Variants in TGM5 observed in about 807,000 individuals in gnomAD.
TGM5 encodes the protein transglutaminase 5.
A neutral mutation model predicts 77.2 loss-of-function variants in TGM5; 69 were observed. The observed-to-expected ratio is 0.89, with a 90% CI of 0.74 to 1.09. The LOEUF (loss-of-function observed/expected upper bound fraction) is 1.09, where lower values mean the gene tolerates loss of function less well. Among genes scored for constraint, TGM5 ranks in the 50% least tolerant of loss-of-function variants. The probability of loss-of-function intolerance (pLI) is 0.00; values close to 1 mark genes in which losing one functional copy is unlikely to be tolerated. For missense variants in TGM5, 842 were observed against 896.5 expected (o/e 0.94, Z 0.78); for synonymous variants, 346 against 351.8 (o/e 0.98, Z 0.18).
At chr15:43,262,560 G>A (rs2042797075) in intron 1 of TGM5, among the ~76,000 whole-genome samples, 1 of 151,966 alleles carries the variant, frequency 6.6e-6, no homozygotes, top group African/African-American at 2.4e-5. Context: ...GCCGAGGCGG[G>A]TGGATCACAA....
At chr15:43,250,193 G>A (rs1265255387) in intron 6 of TGM5, among the ~76,000 whole-genome samples, 4 of 152,302 alleles carry the variant, frequency 2.6e-5, no homozygotes, top group South Asian at 2.1e-4. Flanking sequence ...CTGAAAAATG[G>A]AGATGATAGG....
At position 43,233,116 on chromosome 15, in the gene TGM5, T is replaced by C; in HGVS notation, c.*75A>G. 1.3e-6 allele frequency: 2 copies of C among 1,576,774 alleles called. No homozygotes were observed. Among genetic ancestry groups the C allele is most frequent in the Non-Finnish European group, 1.7e-6 (2 of 1,154,514 alleles). On this transcript the variant is annotated 3_prime_UTR_variant, in exon 13 of 13. Transcript: ENST00000220420. Reference sequence around the variant, plus strand: ...GTGAAGCCTCTGTTGTGGTGGGGAATGGCGCAGCTTGCATTTGAACTTGCT... The same window carrying C: ...GTGAAGCCTCTGTTGTGGTGGGGAACGGCGCAGCTTGCATTTGAACTTGCT...
chr15:43,259,968 C>A, intron 3 of TGM5, 84 bp downstream of exon 3: 1 of 1,601,578 alleles, frequency 6.2e-7, no homozygotes, highest in Non-Finnish European at 8.5e-7. Context: ...GGCCCGGGAG[C>A]GGGGTCTAGA....
chr15:43,264,602 A>G lies in TGM5; in HGVS notation c.10+2238T>C, dbSNP rs190027923. Among the ~76,000 whole-genome samples the G allele has an allele frequency of 9.8e-4, 150 of 152,344 alleles. 3 individuals carry two copies. The highest frequency in any genetic ancestry group is 9.1e-3 in the East Asian group (47 of 5,188). On this transcript the variant is annotated intron_variant, in intron 1 of 12. Transcript: ENST00000220420. ...ACAGAAAGTAGATTTAGGGCTTGCT[A>G]GGAGCTAAAGAAAGGTGGAATGGGA...
chr15:43,233,617 T>C lies in TGM5; in HGVS notation c.1946A>G (p.Gln649Arg), dbSNP rs1323954467. ...CACAGTCAGCACACAGTCCTCAACC[T>C]GCTCCGAGAGGGGGTTTGAAAATAT... is the stretch of plus-strand genomic sequence containing the variant. ...QVIFSNPLSE[Q>R]VEDCVLTVEG... is the part of the protein sequence containing the mutation. The change falls in exon 12 of 13, where the codon CAG (glutamine) becomes CGG (arginine). Residue 649 changes from glutamine to arginine, a missense_variant. This residue lies in a region of TGM5 where 815 missense variants were observed against 844.6 expected (regional missense o/e 0.96). Transcript: ENST00000220420. The C allele has an allele frequency of 6.2e-7, 1 of 1,614,110 alleles. No individual in the cohort carries two copies. The highest frequency in any genetic ancestry group is 8.5e-7 in the Non-Finnish European group (1 of 1,180,038).
At chr15:43,249,331 A>G (rs748156490) in intron 6 of TGM5, among the ~76,000 whole-genome samples, 1 of 152,202 alleles carries the variant, frequency 6.6e-6, no homozygotes, top group Non-Finnish European at 1.5e-5. Context: ...AGTGGTTTGT[A>G]ATACAGTCAC....
chr15:43,247,448 C>T (rs577140515), intron 6 of TGM5, among the ~76,000 whole-genome samples: 7 of 152,020 alleles, frequency 4.6e-5, no homozygotes, highest in Non-Finnish European at 1.0e-4. Flanking sequence ...AATATACCCA[C>T]ATAACACACC....
At chr15:43,245,763 A>T (rs189493326) in intron 6 of TGM5, among the ~76,000 whole-genome samples, 23 of 152,344 alleles carry the variant, frequency 1.5e-4, no homozygotes, top group Admixed American at 1.4e-3. Flanking sequence ...GGAGCAAAGC[A>T]CAGCATGTAG....
Position 43,235,798 on chromosome 15 carries a change from T to C in TGM5, c.1385A>G (p.Gln462Arg). 4 of 1,614,172 alleles carry C rather than the reference T, an allele frequency of 2.5e-6. No homozygotes were observed. The highest frequency in any genetic ancestry group is 3.4e-6 in the Non-Finnish European group (4 of 1,180,030). ...QERQVFLKAL[Q>R]KLKARSFHGS... ...ATGGAAGCTTCTAGCCTTCAGCTTC[T>C]GCAGAGCCTTCAGAAACACCTGCCT... The change falls in exon 10 of 13, where the codon CAG becomes CGG. Residue 462 changes from glutamine to arginine, a missense_variant. Coordinates refer to ENST00000220420, the MANE Select transcript of TGM5 (RefSeq NM_201631.4).
At chr15:43,240,207 C>T (rs114710840) in intron 7 of TGM5, among the ~76,000 whole-genome samples, 2,407 of 152,226 alleles carry the variant, frequency 0.016, 76 homozygotes, top group African/African-American at 0.056. Flanking sequence ...GGTCAAAAAA[C>T]CCTCATTCTA....
chr15:43,256,230 A>G (rs1202691529), intron 4 of TGM5, among the ~76,000 whole-genome samples: 1 of 152,152 alleles, frequency 6.6e-6, no homozygotes, highest in Non-Finnish European at 1.5e-5. Flanking sequence ...CCCAGTGGAA[A>G]AACAGTTTAA....
At chr15:43,258,519 T>C (rs1226094273) in intron 3 of TGM5, among the ~76,000 whole-genome samples, 1 of 152,234 alleles carries the variant, frequency 6.6e-6, no homozygotes, top group Non-Finnish European at 1.5e-5. Context: ...GGTGCCCTCC[T>C]CAGAGGCAGC....
intron 7 of TGM5, 125 bp downstream of exon 7, chr15:43,240,727 T>C (rs1473219484): frequency 9.2e-7 from 1 of 1,082,676 alleles, no homozygotes; most frequent in African/African-American, 3.0e-5. Context: ...TGGGGGAGGG[T>C]GAGGGGGTGT....
In TGM5 at chr15:43,260,543, C is replaced by A. The variant is rs781362413; in HGVS notation, c.47G>T (p.Arg16Ile). ...CTCCGTGTGGTGCCGCACATTATTT[C>A]TGGAGCTCTGGAGGTCTGTGAGGGC... ...EVALTDLQSS[R>I]NNVRHHTEEI... The change falls in exon 2 of 13, where the codon AGA (arginine) becomes ATA (isoleucine). Residue 16 changes from arginine (R) to isoleucine (I), a missense_variant. Around this residue, in one of 2 missense-constraint regions of TGM5, gnomAD observed 815 missense variants for 844.6 expected, o/e 0.96. Coordinates refer to ENST00000220420, the MANE Select transcript of TGM5 (RefSeq NM_201631.4). 3 of 1,614,006 alleles carry A rather than the reference C, an allele frequency of 1.9e-6. No individual in the cohort carries two copies. The highest frequency in any genetic ancestry group is 2.5e-6 in the Non-Finnish European group (3 of 1,179,970).
intron 1 of TGM5, among the ~76,000 whole-genome samples, chr15:43,265,137 G>A (rs1488357589): frequency 6.6e-6 from 1 of 152,066 alleles, no homozygotes; most frequent in African/African-American, 2.4e-5. Flanking sequence ...ATCCTTGCAG[G>A]GACAAAATGT....
At chr15:43,249,502 T>C (rs2042690391) in intron 6 of TGM5, among the ~76,000 whole-genome samples, 1 of 152,252 alleles carries the variant, frequency 6.6e-6, no homozygotes, top group African/African-American at 2.4e-5. Flanking sequence ...GGACATTTCA[T>C]ATGTATGAAA....
rs781362413 is a variant in TGM5, at chr15:43,260,543, C to G, written c.47G>C (p.Arg16Thr). ...EVALTDLQSS[R>T]NNVRHHTEEI... Reference sequence around the variant, plus strand: ...CTCCGTGTGGTGCCGCACATTATTTCTGGAGCTCTGGAGGTCTGTGAGGGC... The same window carrying G: ...CTCCGTGTGGTGCCGCACATTATTTGTGGAGCTCTGGAGGTCTGTGAGGGC... Residue 16 changes from arginine (R) to threonine (T), a missense_variant, in exon 2 of 13, where the codon AGA becomes ACA. Arg to Thr is a moderately conservative substitution (Grantham distance 71). Around this residue, in one of 2 missense-constraint regions of TGM5, gnomAD observed 815 missense variants for 844.6 expected, o/e 0.96. Transcript: ENST00000220420. 4 of 1,614,006 alleles carry G rather than the reference C, an allele frequency of 2.5e-6. No homozygotes were observed. The South Asian group carries it at 4.4e-5, about 18-fold the overall frequency.
chr15:43,233,364 A>T lies in TGM5; in HGVS notation c.2010-20T>A. 1.9e-6 allele frequency: 3 copies of T among 1,613,076 alleles called. No homozygotes were observed. Among genetic ancestry groups the T allele is most frequent in the Non-Finnish European group, 2.5e-6 (3 of 1,180,024 alleles). Reference sequence around the variant, plus strand: ...CCAAGGCTGCAACAGAGAATGGAGCATGTCAGAAAACCAAAAGCATGATAA... The same window carrying T: ...CCAAGGCTGCAACAGAGAATGGAGCTTGTCAGAAAACCAAAAGCATGATAA... On this transcript the variant is annotated intron_variant, in intron 12 of 12. Transcript: ENST00000220420.
chr15:43,260,201 C>CCA lies in TGM5; in HGVS notation c.285_286dup (p.Gly96ValfsTer8), dbSNP rs1355465814. 1 of 1,614,002 alleles carries CCA rather than the reference C, an allele frequency of 6.2e-7. No homozygotes were observed. The highest frequency in any genetic ancestry group is 2.2e-5 in the East Asian group (1 of 44,884). ...CAAGCTCACCTCTGTGGAGGTGGCC[C>CCA]CATTGGTCTCCAGCCAGGCAATCCA... On this transcript the variant is annotated frameshift_variant, in exon 3 of 13. Coordinates refer to ENST00000220420, the MANE Select transcript of TGM5 (RefSeq NM_201631.4). LOFTEE classifies it high-confidence loss of function.
Sources: allele counts gnomAD v4.1 joint callset (sites outside exome capture counted in the v4.1 genomes callset), GRCh38; gene constraint gnomAD v4.1.1; regional missense constraint gnomAD v4.1.1; transcripts MANE v1.5; gene names NCBI Gene and HGNC (gene_info 2026-07-23, HGNC 2026-07-21).